Variants in ROBO2 observed in about 807,000 individuals in gnomAD.
The protein encoded by ROBO2 is roundabout homolog 2.
In ROBO2, 53 loss-of-function variants were observed where a neutral mutation model predicts 160.8. That is an observed-to-expected ratio of 0.33 (90% CI 0.26 to 0.41). The LOEUF is 0.41. Among genes scored for constraint, ROBO2 ranks in the 10% least tolerant of loss-of-function variants. ROBO2 has a pLI of 1.00. For missense variants in ROBO2, 1,577 were observed against 1,722.4 expected, an observed-to-expected ratio of 0.92 and a Z score of 1.49; for synonymous variants, 664 against 611.7, an observed-to-expected ratio of 1.09 and a Z score of -1.26.
intron 2 of ROBO2, among the ~76,000 whole-genome samples, chr3:77,328,459 C>T (rs1286537039): frequency 2.0e-5 from 3 of 152,184 alleles, no homozygotes; most frequent in African/African-American, 2.4e-5. Flanking sequence ...TGACTACCAG[C>T]GTCTAACCAA....
intron 2 of ROBO2, among the ~76,000 whole-genome samples, chr3:77,153,953 T>G (rs906563367): frequency 6.6e-6 from 1 of 152,146 alleles, no homozygotes; most frequent in Middle Eastern, 3.2e-3. Context: ...AGAATCTTTC[T>G]TATTTTAAGT....
chr3:76,137,335 T>C (rs2106726202), intron 2 of ROBO2, among the ~76,000 whole-genome samples: 1 of 152,154 alleles, frequency 6.6e-6, no homozygotes, highest in African/African-American at 2.4e-5. Flanking sequence ...GTAGTAATTC[T>C]TGGTTGCCGA....
intron 2 of ROBO2, among the ~76,000 whole-genome samples, chr3:76,052,003 T>C (rs1231444996): frequency 6.6e-6 from 1 of 152,094 alleles, no homozygotes; most frequent in African/African-American, 2.4e-5. Flanking sequence ...TAACAATTTT[T>C]ATGTCCAAAA....
intron 2 of ROBO2, among the ~76,000 whole-genome samples, chr3:76,261,205 T>TG (rs201526041): frequency 0.035 from 4,873 of 137,296 alleles, 324 homozygotes; most frequent in Middle Eastern, 0.056. Context: ...TGTGTGTGTA[T>TG]ATATATATAT....
chr3:77,160,192 A>G (rs1379273210), intron 2 of ROBO2, among the ~76,000 whole-genome samples: 2 of 152,176 alleles, frequency 1.3e-5, no homozygotes, highest in African/African-American at 2.4e-5. Context: ...TTTTCAATGT[A>G]ATTTTTATAA....
At chr3:77,205,994 C>G (rs1269516292) in intron 2 of ROBO2, among the ~76,000 whole-genome samples, 1 of 152,138 alleles carries the variant, frequency 6.6e-6, no homozygotes, top group African/African-American at 2.4e-5. Flanking sequence ...CACACTCCCT[C>G]TGAATGCCCT....
chr3:76,937,016 A>G (rs1323157984), intron 2 of ROBO2, among the ~76,000 whole-genome samples: 1 of 122,036 alleles, frequency 8.2e-6, no homozygotes, highest in African/African-American at 3.4e-5. Flanking sequence ...ACAAACTGGT[A>G]CTCATTATTG....
At chr3:77,485,546 TG>T (rs1421601762) in intron 4 of ROBO2, among the ~76,000 whole-genome samples, 1 of 152,144 alleles carries the variant, frequency 6.6e-6, no homozygotes, top group African/African-American at 2.4e-5. Context: ...TGCTGTAAGT[TG>T]ATGAGCAGTC....
chr3:76,194,369 T>TATATATAC (rs1553672788), intron 2 of ROBO2, among the ~76,000 whole-genome samples: 2 of 121,542 alleles, frequency 1.6e-5, no homozygotes, highest in African/African-American at 6.8e-5. Context: ...TATATATATA[T>TATATATAC]ATATATATAT....
At chr3:76,022,924 C>T (rs545419392) in intron 2 of ROBO2, among the ~76,000 whole-genome samples, 1 of 151,892 alleles carries the variant, frequency 6.6e-6, no homozygotes, top group African/African-American at 2.4e-5. Flanking sequence ...GTTTCATCTA[C>T]ACTGAAAATC....
intron 2 of ROBO2, among the ~76,000 whole-genome samples, chr3:77,470,161 A>G (rs2083211520): frequency 6.6e-6 from 1 of 152,202 alleles, no homozygotes; most frequent in African/African-American, 2.4e-5. Context: ...CTGGAGATAT[A>G]TGCAGGGACC....
intron 2 of ROBO2, among the ~76,000 whole-genome samples, chr3:77,253,756 A>G (rs966903016): frequency 6.6e-6 from 1 of 152,222 alleles, no homozygotes; most frequent in African/African-American, 2.4e-5. Context: ...AAAAGGCTGC[A>G]GTTTTCAGAG....
chr3:77,585,902 A>G (rs1028184147), intron 16 of ROBO2, among the ~76,000 whole-genome samples: 2 of 152,036 alleles, frequency 1.3e-5, no homozygotes, highest in Non-Finnish European at 2.9e-5. Flanking sequence ...AGTGACTCAA[A>G]CTGTATCACA....
At chr3:77,527,771 T>C (rs1320639609) in intron 6 of ROBO2, among the ~76,000 whole-genome samples, 1 of 151,632 alleles carries the variant, frequency 6.6e-6, no homozygotes, top group Non-Finnish European at 1.5e-5. Context: ...TTATTAGTTA[T>C]GTTTGATGTT....
chr3:76,794,269 C>T (rs1384585323), intron 2 of ROBO2, among the ~76,000 whole-genome samples: 1 of 152,054 alleles, frequency 6.6e-6, no homozygotes, highest in South Asian at 2.1e-4. Context: ...TTCAATGTCA[C>T]ATTTAACATT....
At chr3:76,746,402 T>C (rs911135565) in intron 2 of ROBO2, among the ~76,000 whole-genome samples, 1 of 152,036 alleles carries the variant, frequency 6.6e-6, no homozygotes, top group Non-Finnish European at 1.5e-5. Context: ...CCCTGAGGAA[T>C]CTCCACACTG....
At chr3:77,186,645 T>G (rs771656887) in intron 2 of ROBO2, among the ~76,000 whole-genome samples, 2 of 152,008 alleles carry the variant, frequency 1.3e-5, no homozygotes, top group Non-Finnish European at 2.9e-5. Flanking sequence ...AGTCATCTCT[T>G]TAAGTGTGTT....
intron 2 of ROBO2, among the ~76,000 whole-genome samples, chr3:76,637,082 G>T (rs2090383657): frequency 6.6e-6 from 1 of 152,028 alleles, no homozygotes; most frequent in Admixed American, 6.5e-5. Flanking sequence ...TAAATGGGGG[G>T]CCTTAGGGTG....
intron 2 of ROBO2, among the ~76,000 whole-genome samples, chr3:77,189,574 G>T (rs780070295): frequency 1.3e-5 from 2 of 151,742 alleles, no homozygotes; most frequent in South Asian, 2.1e-4. Context: ...CTTGAACACC[G>T]AGTTTATTCT....
Sources: allele counts gnomAD v4.1 joint callset (sites outside exome capture counted in the v4.1 genomes callset), GRCh38; gene constraint gnomAD v4.1.1; transcripts MANE v1.5; gene names NCBI Gene and HGNC (gene_info 2026-07-23, HGNC 2026-07-21).